The following SHC3 variants were observed in gnomAD, a reference collection of about 807,000 sequenced individuals.
The protein encoded by SHC3 is SHC-transforming protein 3.
In SHC3, 15 loss-of-function variants were observed where a neutral mutation model predicts 60.4. The observed-to-expected ratio is 0.25, with a 90% CI of 0.17 to 0.38. SHC3 has a LOEUF of 0.38. Among genes scored for constraint, SHC3 ranks in the 10% least tolerant of loss-of-function variants. The pLI, the probability that SHC3 is intolerant of heterozygous loss-of-function variation, is 1.00. For synonymous variants in SHC3, 294 were observed against 325.9 expected (o/e 0.90, Z 1.05); for missense variants, 677 against 786.1 (o/e 0.86, Z 1.66).
At chr9:89,162,229 T>C (rs1394145844) in intron 1 of SHC3, among the ~76,000 whole-genome samples, 7 of 147,232 alleles carry the variant, frequency 4.8e-5, no homozygotes, top group Admixed American at 6.8e-5. Flanking sequence ...CTTCACAGAA[T>C]TGGAAAAAAC....
chr9:89,120,327 C>G (rs1412433548), intron 1 of SHC3, among the ~76,000 whole-genome samples: 4 of 151,912 alleles, frequency 2.6e-5, no homozygotes, highest in African/African-American at 7.3e-5. Flanking sequence ...TAAACAAAAC[C>G]TTTAATATCC....
At chr9:89,044,566 A>G (rs1373652250) in intron 9 of SHC3, among the ~76,000 whole-genome samples, 1 of 152,246 alleles carries the variant, frequency 6.6e-6, no homozygotes, top group Non-Finnish European at 1.5e-5. Flanking sequence ...AGTAGCCAGG[A>G]TCCCAGAGCT....
intron 11 of SHC3, among the ~76,000 whole-genome samples, chr9:89,034,399 CA>C (rs1824538294): frequency 6.6e-6 from 1 of 152,220 alleles, no homozygotes; most frequent in Admixed American, 6.5e-5. Flanking sequence ...AAGCCTACTG[CA>C]ACCAGTGCAA....
chr9:89,017,430 A>C (rs930983847), intron 11 of SHC3, among the ~76,000 whole-genome samples: 1 of 152,206 alleles, frequency 6.6e-6, no homozygotes, highest in Non-Finnish European at 1.5e-5. Flanking sequence ...GGTGTTGGGA[A>C]AACTGGTTAG....
intron 2 of SHC3, among the ~76,000 whole-genome samples, chr9:89,078,514 G>A (rs1825397068): frequency 6.6e-6 from 1 of 152,136 alleles, no homozygotes; most frequent in South Asian, 2.1e-4. Flanking sequence ...CACTGGTGAG[G>A]CTGCTGGGAC....
At chr9:89,138,622 G>A (rs567443540) in intron 1 of SHC3, among the ~76,000 whole-genome samples, 16 of 152,202 alleles carry the variant, frequency 1.1e-4, no homozygotes, top group African/African-American at 3.4e-4. Flanking sequence ...ATGCCTAACC[G>A]TCTGGGAATC....
intron 1 of SHC3, among the ~76,000 whole-genome samples, chr9:89,172,209 T>C (rs939361529): frequency 2.0e-5 from 3 of 152,166 alleles, no homozygotes; most frequent in Non-Finnish European, 4.4e-5. Context: ...CTGACCCCAG[T>C]GTAACTGGTG....
intron 7 of SHC3, among the ~76,000 whole-genome samples, chr9:89,051,437 T>G (rs1201989659): frequency 6.6e-6 from 1 of 152,156 alleles, no homozygotes; most frequent in African/African-American, 2.4e-5. Flanking sequence ...TCACACTCAC[T>G]ATTTTGTTAA....
chr9:89,082,630 G>A (rs113744809), intron 2 of SHC3, among the ~76,000 whole-genome samples: 2 of 152,170 alleles, frequency 1.3e-5, no homozygotes, highest in African/African-American at 4.8e-5. Flanking sequence ...ATAACTTTAG[G>A]GTGAGGGTTG....
intron 6 of SHC3, among the ~76,000 whole-genome samples, chr9:89,057,003 G>A (rs970322318): frequency 2.2e-4 from 34 of 152,222 alleles, no homozygotes; most frequent in African/African-American, 7.0e-4. Context: ...AGTCCATCTG[G>A]GGTTCTCCAG....
chr9:89,064,922 A>G (rs562507657), intron 6 of SHC3, among the ~76,000 whole-genome samples: 1 of 152,216 alleles, frequency 6.6e-6, no homozygotes, highest in East Asian at 1.9e-4. Flanking sequence ...TATTTCATCA[A>G]TGAGTTTTAA....
At chr9:89,063,335 G>A (rs1306269319) in intron 6 of SHC3, among the ~76,000 whole-genome samples, 2 of 152,112 alleles carry the variant, frequency 1.3e-5, no homozygotes, top group Non-Finnish European at 2.9e-5. Flanking sequence ...TCACCATGTC[G>A]GCCAGGCTGG....
chr9:89,048,199 G>T (rs890212762), intron 7 of SHC3, among the ~76,000 whole-genome samples: 1 of 149,220 alleles, frequency 6.7e-6, no homozygotes, highest in African/African-American at 2.5e-5. Context: ...AGCTGAGATC[G>T]TGCCACTGCA....
chr9:89,123,362 C>T (rs1826118790), intron 1 of SHC3, among the ~76,000 whole-genome samples: 1 of 152,206 alleles, frequency 6.6e-6, no homozygotes, highest in South Asian at 2.1e-4. Context: ...CAACAGATGT[C>T]TGGTGACTCC....
At chr9:89,061,077 A>G (rs1057261372) in intron 6 of SHC3, among the ~76,000 whole-genome samples, 1 of 152,200 alleles carries the variant, frequency 6.6e-6, no homozygotes, top group African/African-American at 2.4e-5. Context: ...CAGCCCAGGC[A>G]TGGTACGTAA....
chr9:89,039,685 C>A (rs1824642279), intron 10 of SHC3, among the ~76,000 whole-genome samples: 1 of 151,964 alleles, frequency 6.6e-6, no homozygotes, highest in Non-Finnish European at 1.5e-5. Context: ...TCATAACCAT[C>A]ATCATCACCA....
At chr9:89,174,363 G>A (rs7858501) in intron 1 of SHC3, among the ~76,000 whole-genome samples, 4,826 of 152,260 alleles carry the variant, frequency 0.032, 230 homozygotes, top group African/African-American at 0.11. Context: ...AGTGTATCAG[G>A]AAATAATGCA....
At chr9:89,043,933 C>T (rs989111205) in intron 9 of SHC3, among the ~76,000 whole-genome samples, 1 of 152,142 alleles carries the variant, frequency 6.6e-6, no homozygotes, top group South Asian at 2.1e-4. Context: ...GAATTACAGG[C>T]GTGAGCCACC....
chr9:89,110,250 G>A lies in SHC3; in HGVS notation c.545+2306C>T, dbSNP rs146660469. 126 of 985,352 alleles carry A rather than the reference G, an allele frequency of 1.3e-4. No individual in the cohort carries two copies. The African/African-American group carries it at 1.8e-3, about 14-fold the overall frequency. The allele number at this position is 985,352 out of a possible 1,614,324, so 61.0% of individuals were successfully genotyped here. On this transcript the variant is annotated intron_variant, in intron 2 of 11. Coordinates refer to ENST00000375835, the MANE Select transcript of SHC3 (RefSeq NM_016848.6). Reference sequence around the variant, plus strand: ...GAAATGCTGGGAGTGAAGCCCAGCCGTAGGGGCAAAATTTTAAATTAAACA... The same window carrying A: ...GAAATGCTGGGAGTGAAGCCCAGCCATAGGGGCAAAATTTTAAATTAAACA...
Sources: allele counts gnomAD v4.1 joint callset (sites outside exome capture counted in the v4.1 genomes callset), GRCh38; gene constraint gnomAD v4.1.1; transcripts MANE v1.5; gene names NCBI Gene and HGNC (gene_info 2026-07-23, HGNC 2026-07-21).